PCDH15: variants seen among roughly 807,000 people sequenced by gnomAD.
PCDH15 encodes protocadherin-15.
Under a neutral mutation model 178.5 loss-of-function variants are expected in PCDH15, and 129 were observed. The observed-to-expected ratio is 0.72, with a 90% CI of 0.63 to 0.84. PCDH15 has a LOEUF of 0.84. Ranked by LOEUF, PCDH15 falls within the 40% of genes least tolerant of loss-of-function variation. PCDH15 has a pLI of 0.00. For missense variants in PCDH15, 2,230 were observed against 2,099.9 expected (o/e 1.06, Z -1.21); for synonymous variants, 800 against 732.0 (o/e 1.09, Z -1.50).
intron 2 of PCDH15, among the ~76,000 whole-genome samples, chr10:54,537,994 T>G (rs1341648724): frequency 6.6e-6 from 1 of 152,180 alleles, no homozygotes; most frequent in South Asian, 2.1e-4. Flanking sequence ...TATTTAAGTT[T>G]CTTATAGATT....
At chr10:55,602,184 G>T (rs4304667) in intron 2 of PCDH15, among the ~76,000 whole-genome samples, 112,712 of 151,972 alleles carry the variant, frequency 0.74, 42,703 homozygotes, top group East Asian at 0.99. Context: ...TCCAACCGGC[G>T]TAAAAAACAG....
At chr10:53,934,461 G>A (rs188084556) in intron 25 of PCDH15, among the ~76,000 whole-genome samples, 195 of 152,208 alleles carry the variant, frequency 1.3e-3, no homozygotes, top group African/African-American at 4.3e-3. Flanking sequence ...AAATGACTGT[G>A]GTGGCAGGCG....
chr10:54,527,299 T>G (rs1252524647), intron 3 of PCDH15, among the ~76,000 whole-genome samples: 1 of 152,158 alleles, frequency 6.6e-6, no homozygotes, highest in African/African-American at 2.4e-5. Context: ...CAAGTGAAAA[T>G]TCAGACTTCT....
chr10:54,893,272 TA>T (rs936335012), intron 3 of PCDH15, among the ~76,000 whole-genome samples: 93 of 152,138 alleles, frequency 6.1e-4, no homozygotes, highest in African/African-American at 2.0e-3. Flanking sequence ...TACCCAGATT[TA>T]AAAAAATATG....
intron 2 of PCDH15, among the ~76,000 whole-genome samples, chr10:55,480,418 G>A (rs1840155228): frequency 6.6e-6 from 1 of 151,622 alleles, no homozygotes; most frequent in Admixed American, 6.6e-5. Context: ...AGTTTTCAAG[G>A]GGAATGCTCC....
chr10:54,359,997 T>C (rs1945740184), intron 5 of PCDH15, among the ~76,000 whole-genome samples: 1 of 152,156 alleles, frequency 6.6e-6, no homozygotes, highest in Admixed American at 6.6e-5. Context: ...GAAGAAATAC[T>C]GAAACTGGTC....
chr10:55,421,355 T>G (rs1348389679), intron 2 of PCDH15, among the ~76,000 whole-genome samples: 1 of 150,512 alleles, frequency 6.6e-6, no homozygotes, highest in East Asian at 1.9e-4. Context: ...TAATATTTTA[T>G]TTTTAACAAA....
intron 2 of PCDH15, among the ~76,000 whole-genome samples, chr10:54,540,671 A>G (rs2085110587): frequency 6.6e-6 from 1 of 152,150 alleles, no homozygotes; most frequent in Non-Finnish European, 1.5e-5. Flanking sequence ...TGCCAGCATT[A>G]CCCTGATACC....
In PCDH15 at chr10:53,888,840, A is replaced by AGT. The variant is rs2081362046; in HGVS notation, c.3501+14401_3501+14402dup. Among the ~76,000 whole-genome samples, 4 of 150,486 alleles carry AGT rather than the reference A, an allele frequency of 2.7e-5. No individual in the cohort carries two copies. In the South Asian group the frequency reaches 8.4e-4, roughly 31 times the overall value. On this transcript the variant is annotated intron_variant, in intron 26 of 37. Transcript: ENST00000644397. ...ACACTATCAGATATTATAAAACTAT[A>AGT]GTAATTCAGATAGCAGAATGATGCA...
Position 54,605,508 on chromosome 10 carries a change from A to G in PCDH15, c.91+58664T>C, listed in dbSNP as rs184980657. Among the ~76,000 whole-genome samples, 42 of 152,114 alleles carry G rather than the reference A, an allele frequency of 2.8e-4. No homozygotes were observed. In the East Asian group the frequency reaches 7.6e-3, roughly 27 times the overall value. On this transcript the variant is annotated intron_variant, in intron 2 of 37. Coordinates refer to ENST00000644397, the MANE Select transcript of PCDH15 (RefSeq NM_001384140.1). ...AGTTTCTGCTGAAAATCCACCAATG[A>G]TCATAGGAGGGTTCCCTAACACATA...
chr10:54,195,016 C>A (rs7901520), intron 11 of PCDH15, among the ~76,000 whole-genome samples: 1 of 151,936 alleles, frequency 6.6e-6, no homozygotes, highest in Admixed American at 6.6e-5. Flanking sequence ...AGTCTTTCAG[C>A]CCTTCTGTTC....
At chr10:55,408,876 T>A (rs1163567746) in intron 2 of PCDH15, among the ~76,000 whole-genome samples, 4 of 152,186 alleles carry the variant, frequency 2.6e-5, no homozygotes, top group Non-Finnish European at 5.9e-5. Flanking sequence ...ATGGACAATT[T>A]TAAGCTCTCT....
At position 54,648,670 on chromosome 10, in the gene PCDH15, C is replaced by A. The variant is rs573948013; in HGVS notation, c.91+15502G>T. Among the ~76,000 whole-genome samples, 40 of 152,122 alleles carry A rather than the reference C, an allele frequency of 2.6e-4. 1 individual carries two copies. In the East Asian group the frequency reaches 7.5e-3, roughly 29 times the overall value. ...AGAAGAGTATTTCTAAGGTGTTTGG[C>A]ACTTACAAATACCACAAACGCTAGT... On this transcript the variant is annotated intron_variant, in intron 2 of 37. Transcript: ENST00000644397.
At chr10:54,756,089 A>ACACACACTCT in intron 1 of PCDH15, among the ~76,000 whole-genome samples, 1 of 148,338 alleles carries the variant, frequency 6.7e-6, no homozygotes, top group East Asian at 2.1e-4. Context: ...ACACACACAC[A>ACACACACTCT]CACACACAAA....
chr10:55,016,303 CTGT>C (rs1171828436), intron 2 of PCDH15, among the ~76,000 whole-genome samples: 1 of 152,004 alleles, frequency 6.6e-6, no homozygotes, highest in Non-Finnish European at 1.5e-5. Flanking sequence ...CAATAAATTG[CTGT>C]TAACTGTAAT....
At chr10:55,227,759 T>G (rs1841093306) in intron 1 of PCDH15, among the ~76,000 whole-genome samples, 1 of 152,016 alleles carries the variant, frequency 6.6e-6, no homozygotes, top group Non-Finnish European at 1.5e-5. Flanking sequence ...ATTATAATAA[T>G]GGGAACAATG....
chr10:55,197,297 T>A (rs1480710969), intron 1 of PCDH15, among the ~76,000 whole-genome samples: 2 of 152,112 alleles, frequency 1.3e-5, no homozygotes, highest in African/African-American at 2.4e-5. Flanking sequence ...ATAACCCTGA[T>A]ATTTTTATCT....
At chr10:54,275,602 G>T (rs986256084) in intron 8 of PCDH15, among the ~76,000 whole-genome samples, 1 of 151,676 alleles carries the variant, frequency 6.6e-6, no homozygotes, top group Admixed American at 6.6e-5. Flanking sequence ...ATTTCCCAAA[G>T]ATAATGCTTA....
intron 8 of PCDH15, among the ~76,000 whole-genome samples, chr10:54,238,874 CAA>C (rs2054929869): frequency 6.6e-6 from 1 of 151,990 alleles, no homozygotes; most frequent in African/African-American, 2.4e-5. Flanking sequence ...TGCCATCAGC[CAA>C]AGTCAGCTTA....
Sources: gnomAD v4.1 joint callset for allele counts (sites outside exome capture counted in the v4.1 genomes callset) on GRCh38, gnomAD v4.1.1 for gene constraint, MANE v1.5 for transcripts, NCBI Gene and HGNC (gene_info 2026-07-23, HGNC 2026-07-21) for gene names.